The following DPP10 variants were observed in gnomAD, a reference collection of about 807,000 sequenced individuals.
The protein encoded by DPP10 is inactive dipeptidyl peptidase 10.
In DPP10, 33 loss-of-function variants were observed where a neutral mutation model predicts 120.9. The observed-to-expected ratio is 0.27, with a 90% CI of 0.21 to 0.37. The LOEUF (loss-of-function observed/expected upper bound fraction) is 0.37. Ranked by LOEUF, DPP10 falls within the 10% of genes least tolerant of loss-of-function variation. The probability of loss-of-function intolerance (pLI) is 1.00; values close to 1 mark genes in which losing one functional copy is unlikely to be tolerated. For synonymous variants in DPP10, 337 were observed against 326.1 expected (o/e 1.03, Z -0.36); for missense variants, 816 against 942.8 (o/e 0.87, Z 1.76).
chr2:114,477,890 T>A (rs1052904651), intron 1 of DPP10, among the ~76,000 whole-genome samples: 2 of 148,900 alleles, frequency 1.3e-5, no homozygotes, highest in African/African-American at 4.9e-5. Flanking sequence ...TGTATATATG[T>A]ACATATGTGT....
intron 4 of DPP10, among the ~76,000 whole-genome samples, chr2:115,515,054 A>G (rs1220571333): frequency 6.6e-6 from 1 of 151,908 alleles, no homozygotes; most frequent in Non-Finnish European, 1.5e-5. Flanking sequence ...CACTTAATGT[A>G]TCTTGAAGAG....
At chr2:114,558,855 A>G (rs1306558958) in intron 1 of DPP10, among the ~76,000 whole-genome samples, 1 of 152,234 alleles carries the variant, frequency 6.6e-6, no homozygotes, top group East Asian at 1.9e-4. Flanking sequence ...TCTGACACAT[A>G]ACAGATACTA....
At chr2:115,726,476 T>G (rs964812712) in intron 7 of DPP10, among the ~76,000 whole-genome samples, 6 of 152,206 alleles carry the variant, frequency 3.9e-5, no homozygotes, top group Middle Eastern at 3.4e-3. Context: ...GGACCGAGAT[T>G]TAGAAAGGTT....
intron 12 of DPP10, among the ~76,000 whole-genome samples, chr2:115,763,212 T>C (rs978082648): frequency 1.3e-5 from 2 of 152,200 alleles, no homozygotes; most frequent in African/African-American, 4.8e-5. Flanking sequence ...GGAAATAAGA[T>C]GTGTGGTATG....
At chr2:115,186,359 T>G (rs568202291) in intron 1 of DPP10, among the ~76,000 whole-genome samples, 8 of 152,322 alleles carry the variant, frequency 5.3e-5, no homozygotes, top group African/African-American at 1.9e-4. Context: ...TTGCTAGATT[T>G]ACATTGCTGG....
chr2:114,683,850 C>G (rs923198908), intron 1 of DPP10, among the ~76,000 whole-genome samples: 3 of 151,852 alleles, frequency 2.0e-5, no homozygotes, highest in Admixed American at 6.6e-5. Flanking sequence ...CAAGATTTAA[C>G]CCCCTGTATC....
chr2:114,527,099 G>C (rs1423756971), intron 1 of DPP10, among the ~76,000 whole-genome samples: 2 of 152,080 alleles, frequency 1.3e-5, no homozygotes, highest in Non-Finnish European at 2.9e-5. Context: ...TTTGGACTCT[G>C]TGGTTACCTC....
At chr2:115,210,863 GTTGT>G (rs1418437099) in intron 1 of DPP10, among the ~76,000 whole-genome samples, 1 of 151,964 alleles carries the variant, frequency 6.6e-6, no homozygotes, top group Non-Finnish European at 1.5e-5. Context: ...TTTTGATGGG[GTTGT>G]TTTTTTCTTG....
chr2:114,546,823 G>T (rs994028849), intron 1 of DPP10, among the ~76,000 whole-genome samples: 1 of 152,164 alleles, frequency 6.6e-6, no homozygotes, highest in African/African-American at 2.4e-5. Flanking sequence ...TAATTACAAA[G>T]AAAAATTAAA....
intron 1 of DPP10, among the ~76,000 whole-genome samples, chr2:114,817,244 T>C (rs145350000): frequency 2.7e-5 from 4 of 150,752 alleles, no homozygotes; most frequent in African/African-American, 7.3e-5. Context: ...AATTATGTAA[T>C]GCCATATAGA....
chr2:114,561,043 C>T (rs1688721521), intron 1 of DPP10, among the ~76,000 whole-genome samples: 1 of 152,140 alleles, frequency 6.6e-6, no homozygotes, highest in East Asian at 1.9e-4. Context: ...TGAGGAGAGC[C>T]ACAGCACCCC....
intron 4 of DPP10, among the ~76,000 whole-genome samples, chr2:115,520,573 C>T (rs1439536093): frequency 6.6e-6 from 1 of 151,700 alleles, no homozygotes; most frequent in African/African-American, 2.4e-5. Flanking sequence ...CAGCTTATTC[C>T]AAGGTCTAGA....
chr2:115,065,241 C>A (rs1211695418), intron 1 of DPP10, among the ~76,000 whole-genome samples: 2 of 152,118 alleles, frequency 1.3e-5, no homozygotes, highest in Non-Finnish European at 2.9e-5. Flanking sequence ...TCAATTCAAC[C>A]CACTCATAGA....
intron 3 of DPP10, among the ~76,000 whole-genome samples, chr2:115,481,546 C>T (rs2075428011): frequency 6.6e-6 from 1 of 151,978 alleles, no homozygotes; most frequent in Non-Finnish European, 1.5e-5. Flanking sequence ...TTTTTGATGA[C>T]TTTTTCATCA....
intron 4 of DPP10, among the ~76,000 whole-genome samples, chr2:115,503,768 T>TG (rs1417811452): frequency 6.6e-6 from 1 of 152,140 alleles, no homozygotes; most frequent in African/African-American, 2.4e-5. Context: ...GTTTCTCCAC[T>TG]GGGGGTGATT....
chr2:114,972,872 C>A (rs1249426977), intron 1 of DPP10, among the ~76,000 whole-genome samples: 1 of 152,162 alleles, frequency 6.6e-6, no homozygotes, highest in Admixed American at 6.5e-5. Flanking sequence ...AGACGCATTG[C>A]AGTTCTTTTG....
At chr2:114,840,461 T>C (rs1181794969) in intron 1 of DPP10, among the ~76,000 whole-genome samples, 1 of 152,108 alleles carries the variant, frequency 6.6e-6, no homozygotes, top group Non-Finnish European at 1.5e-5. Context: ...CCATTCGCTT[T>C]TCACTCTGCT....
chr2:115,176,092 T>G (rs1007130975), intron 1 of DPP10, among the ~76,000 whole-genome samples: 1 of 152,096 alleles, frequency 6.6e-6, no homozygotes, highest in Non-Finnish European at 1.5e-5. Context: ...TTAGCCAGGC[T>G]GACACTTGTC....
intron 1 of DPP10, among the ~76,000 whole-genome samples, chr2:114,972,347 G>T (rs1356428652): frequency 6.6e-6 from 1 of 152,130 alleles, no homozygotes; most frequent in Non-Finnish European, 1.5e-5. Flanking sequence ...AAGATCCGTG[G>T]CCTCAGTGGT....
Sources: allele counts gnomAD v4.1 joint callset (sites outside exome capture counted in the v4.1 genomes callset), GRCh38; gene constraint gnomAD v4.1.1; transcripts MANE v1.5; gene names NCBI Gene and HGNC (gene_info 2026-07-23, HGNC 2026-07-21).